L3MBTL3: variants seen among roughly 807,000 people sequenced by gnomAD.
L3MBTL3 encodes the protein L3MBTL histone methyl-lysine binding protein 3.
In L3MBTL3, 27 loss-of-function variants were observed where a neutral mutation model predicts 102.3. The observed-to-expected ratio is 0.26, with a 90% CI of 0.19 to 0.36. The LOEUF (loss-of-function observed/expected upper bound fraction) is 0.36, where lower values mean the gene tolerates loss of function less well. L3MBTL3 is among the 10% of genes least tolerant of loss of function. L3MBTL3 has a pLI of 1.00. For missense variants in L3MBTL3, 798 were observed against 955.3 expected (o/e 0.84, Z 2.17); for synonymous variants, 340 against 320.9 (o/e 1.06, Z -0.64).
intron 22 of L3MBTL3, among the ~76,000 whole-genome samples, chr6:130,134,625 A>G (rs949880971): frequency 6.6e-6 from 1 of 152,196 alleles, no homozygotes; most frequent in Non-Finnish European, 1.5e-5. Flanking sequence ...ATCTCCTCCA[A>G]GCAAAGCAGT....
At chr6:130,028,470 ACTT>A (rs1300402822) in intron 2 of L3MBTL3, among the ~76,000 whole-genome samples, 2 of 152,224 alleles carry the variant, frequency 1.3e-5, no homozygotes, top group Non-Finnish European at 2.9e-5. Context: ...AGAAGACCCA[ACTT>A]CTCAAGGATT....
rs1374902133 is a variant in L3MBTL3, at chr6:130,140,834, C to G, written c.*1081C>G. On this transcript the variant is annotated 3_prime_UTR_variant, in exon 23 of 23. Coordinates refer to ENST00000361794, the MANE Select transcript of L3MBTL3 (RefSeq NM_032438.4). Reference sequence around the variant, plus strand: ...GCTGAAAAGACAAGGTGTGAAGGAGCAACTTCAGTTGACACAAAATTTGAA... The same window carrying G: ...GCTGAAAAGACAAGGTGTGAAGGAGGAACTTCAGTTGACACAAAATTTGAA... The G allele has an allele frequency of 6.6e-6, 1 of 152,488 alleles. No individual in the cohort carries two copies. Among genetic ancestry groups the G allele is most frequent in the East Asian group, 1.9e-4 (1 of 5,192 alleles). 9.4% of individuals were successfully genotyped at this position (152,488 alleles called of 1,614,324 possible). A position where few individuals can be genotyped will look rare whatever the true frequency, so the allele number is the denominator to read the frequency against.
chr6:130,081,095 C>T (rs1252556098), intron 14 of L3MBTL3, among the ~76,000 whole-genome samples: 3 of 152,230 alleles, frequency 2.0e-5, no homozygotes, highest in Non-Finnish European at 4.4e-5. Context: ...AACACGCAGC[C>T]TCTCTTTATT....
At chr6:130,100,192 G>C (rs1200340983) in intron 18 of L3MBTL3, among the ~76,000 whole-genome samples, 1 of 152,098 alleles carries the variant, frequency 6.6e-6, no homozygotes, top group Admixed American at 6.6e-5. Flanking sequence ...ATTTGGCCTG[G>C]GTAATGCACT....
At chr6:130,070,090 AG>A (rs1188583978) in intron 12 of L3MBTL3, among the ~76,000 whole-genome samples, 1 of 151,988 alleles carries the variant, frequency 6.6e-6, no homozygotes, top group African/African-American at 2.4e-5. Context: ...AGTCTAACAG[AG>A]GTTTTTGTTT....
chr6:130,099,024 A>T (rs1028968715), intron 18 of L3MBTL3, among the ~76,000 whole-genome samples: 4 of 151,980 alleles, frequency 2.6e-5, no homozygotes, highest in African/African-American at 9.7e-5. Flanking sequence ...AAAAATTACA[A>T]TTAAAAGGGT....
At chr6:130,070,516 G>A (rs924002484) in intron 12 of L3MBTL3, among the ~76,000 whole-genome samples, 1 of 152,108 alleles carries the variant, frequency 6.6e-6, no homozygotes, top group African/African-American at 2.4e-5. Context: ...AGATATTTTC[G>A]GAAGTGGGAG....
chr6:130,040,801 G>A (rs1243417068), intron 2 of L3MBTL3, among the ~76,000 whole-genome samples: 1 of 152,186 alleles, frequency 6.6e-6, no homozygotes, highest in Non-Finnish European at 1.5e-5. Context: ...GCATGTCAAA[G>A]TACTTCCCAT....
chr6:130,071,384 A>G (rs1390936307), intron 13 of L3MBTL3, among the ~76,000 whole-genome samples: 6 of 152,096 alleles, frequency 3.9e-5, no homozygotes, highest in East Asian at 3.8e-4. Context: ...CATTCCCAAC[A>G]TATGTTCACA....
At chr6:130,099,032 G>A (rs1784527782) in intron 18 of L3MBTL3, among the ~76,000 whole-genome samples, 1 of 151,478 alleles carries the variant, frequency 6.6e-6, no homozygotes, top group Non-Finnish European at 1.5e-5. Context: ...CAATTAAAAG[G>A]GTTTTTAAGG....
chr6:130,072,785 CTA>C (rs1227500612), intron 13 of L3MBTL3, among the ~76,000 whole-genome samples: 4 of 152,144 alleles, frequency 2.6e-5, no homozygotes, highest in Non-Finnish European at 4.4e-5. Context: ...ATAATAATAA[CTA>C]TGATATTACT....
At chr6:130,034,434 T>C (rs1026910175) in intron 2 of L3MBTL3, among the ~76,000 whole-genome samples, 1 of 152,218 alleles carries the variant, frequency 6.6e-6, no homozygotes, top group Non-Finnish European at 1.5e-5. Context: ...CTGGAGTACT[T>C]ATTGAAACAA....
In L3MBTL3 at chr6:130,060,123, G is replaced by A; in HGVS notation, c.847G>A (p.Val283Ile). Residue 283 changes from valine (V) to isoleucine (I), a missense_variant, in exon 10 of 23, where the codon GTC becomes ATC. Val to Ile is a conservative substitution (Grantham distance 29, BLOSUM62 3). Transcript: ENST00000361794. The stretch of plus-strand genomic sequence containing the variant: ...TCCTGAGCATCAGTCTGTGTACTGT[G>A]TCCTCACCGTCGCGGAGGTAAGCTT... ...VDPEHQSVYCVLTVAEVCGYR... is the reference protein window; with the variant it reads ...VDPEHQSVYCILTVAEVCGYR... 1 of 1,601,802 alleles carries A rather than the reference G, an allele frequency of 6.2e-7. No individual in the cohort carries two copies. Among genetic ancestry groups the A allele is most frequent in the Non-Finnish European group, 8.5e-7 (1 of 1,172,424 alleles).
intron 18 of L3MBTL3, among the ~76,000 whole-genome samples, chr6:130,101,575 G>A (rs1008871907): frequency 1.3e-5 from 2 of 152,160 alleles, no homozygotes; most frequent in South Asian, 2.1e-4. Context: ...CAGACCTTGC[G>A]ATTGCAGCCT....
At chr6:130,121,707 A>G (rs1786221513) in intron 20 of L3MBTL3, among the ~76,000 whole-genome samples, 1 of 151,890 alleles carries the variant, frequency 6.6e-6, no homozygotes, top group Non-Finnish European at 1.5e-5. Context: ...TCTTAATCTA[A>G]TATCACAAAA....
intron 9 of L3MBTL3, among the ~76,000 whole-genome samples, chr6:130,058,455 T>C (rs1050514909): frequency 1.1e-4 from 17 of 149,014 alleles, no homozygotes; most frequent in African/African-American, 4.2e-4. Flanking sequence ...CTGAGCAACA[T>C]AGTGAGACTC....
Position 130,141,050 on chromosome 6 carries a change from G to A in L3MBTL3, c.*1297G>A, listed in dbSNP as rs561057640. The A allele has an allele frequency of 6.6e-6, 1 of 152,574 alleles. No individual in the cohort carries two copies. The highest frequency in any genetic ancestry group is 2.4e-5 in the African/African-American group (1 of 41,474). The allele number at this position is 152,574 out of a possible 1,614,324, so 9.5% of individuals were successfully genotyped here. A position where few individuals can be genotyped will look rare whatever the true frequency, so the allele number is the denominator to read the frequency against. ...GCAAGAATGCATTTCTAAGGCAAAA[G>A]GTAAATTATTTTGTCCGTCTTTTGA... On this transcript the variant is annotated 3_prime_UTR_variant, in exon 23 of 23. Coordinates refer to ENST00000361794, the MANE Select transcript of L3MBTL3 (RefSeq NM_032438.4).
At chr6:130,086,000 G>A (rs1038820961) in intron 15 of L3MBTL3, 140 bp from the exon 16 acceptor site, 35 of 589,062 alleles carry the variant, frequency 5.9e-5, no homozygotes, top group Admixed American at 1.5e-4. Context: ...TGATCCGCCC[G>A]CCTCAGCCTT....
At chr6:130,112,615 C>T (rs891267200) in intron 19 of L3MBTL3, among the ~76,000 whole-genome samples, 1 of 152,102 alleles carries the variant, frequency 6.6e-6, no homozygotes, top group Non-Finnish European at 1.5e-5. Context: ...TACCAGTCAC[C>T]AGAGAGGGAT....
Sources: gnomAD v4.1 joint callset for allele counts (sites outside exome capture counted in the v4.1 genomes callset) on GRCh38, gnomAD v4.1.1 for gene constraint, MANE v1.5 for transcripts, NCBI Gene and HGNC (gene_info 2026-07-23, HGNC 2026-07-21) for gene names.